Variants in BEND7 observed in about 807,000 individuals in gnomAD.
The protein encoded by BEND7 is BEN domain-containing protein 7.
A neutral mutation model predicts 50.9 loss-of-function variants in BEND7; 28 were observed. That is an observed-to-expected ratio of 0.55 (90% CI 0.41 to 0.75). The LOEUF (loss-of-function observed/expected upper bound fraction) is 0.75. Among genes scored for constraint, BEND7 ranks in the 30% least tolerant of loss-of-function variants. The probability of loss-of-function intolerance (pLI) is 0.00; values close to 1 mark genes in which losing one functional copy is unlikely to be tolerated. For synonymous variants in BEND7, 170 were observed against 183.9 expected (o/e 0.92, Z 0.61); for missense variants, 477 against 491.3 (o/e 0.97, Z 0.28).
intron 3 of BEND7, 91 bp downstream of exon 3, chr10:13,499,687 T>G: frequency 7.3e-7 from 1 of 1,366,530 alleles, no homozygotes; most frequent in Non-Finnish European, 9.6e-7. Context: ...ATGGGAGGGT[T>G]TAATAAATTG....
intron 6 of BEND7, among the ~76,000 whole-genome samples, chr10:13,454,279 C>T (rs1564517697): frequency 6.6e-6 from 1 of 152,098 alleles, no homozygotes; most frequent in Non-Finnish European, 1.5e-5. Flanking sequence ...GTTCCAGGAC[C>T]CCCAGCAGAC....
At chr10:13,456,065 A>G (rs2131147957) in intron 6 of BEND7, among the ~76,000 whole-genome samples, 1 of 152,278 alleles carries the variant, frequency 6.6e-6, no homozygotes, top group Non-Finnish European at 1.5e-5. Flanking sequence ...GAACAGGGAT[A>G]TAAGCCCGTG....
chr10:13,480,089 T>C (rs776800036), intron 6 of BEND7, among the ~76,000 whole-genome samples: 3 of 152,350 alleles, frequency 2.0e-5, no homozygotes, highest in East Asian at 1.9e-4. Flanking sequence ...TCATTTTTCA[T>C]GGAGTTGTGT....
chr10:13,490,474 G>A (rs1213383437), intron 5 of BEND7, among the ~76,000 whole-genome samples: 1 of 152,196 alleles, frequency 6.6e-6, no homozygotes, highest in African/African-American at 2.4e-5. Context: ...CAGTCCCCGT[G>A]TCCCTCCTGA....
intron 6 of BEND7, among the ~76,000 whole-genome samples, chr10:13,464,711 G>A (rs751526481): frequency 3.3e-5 from 5 of 152,132 alleles, no homozygotes; most frequent in Non-Finnish European, 5.9e-5. Flanking sequence ...TTATTTCAAC[G>A]TTTTAACCTA....
chr10:13,527,911 G>T, intron 1 of BEND7: 1 of 875,460 alleles, frequency 1.1e-6, no homozygotes, highest in Non-Finnish European at 1.4e-6. Context: ...TTTAAAGGAT[G>T]CTTATCTGAC....
chr10:13,475,764 A>G (rs2075383360), intron 6 of BEND7, among the ~76,000 whole-genome samples: 1 of 152,230 alleles, frequency 6.6e-6, no homozygotes, highest in Non-Finnish European at 1.5e-5. Context: ...TTCTTTTCAA[A>G]TACTCCTTTT....
chr10:13,459,844 C>G (rs1278056484), intron 6 of BEND7: 1 of 152,220 alleles, frequency 6.6e-6, no homozygotes, highest in Admixed American at 6.5e-5. Flanking sequence ...AATGGGGGAC[C>G]AACCAAACAG....
intron 5 of BEND7, among the ~76,000 whole-genome samples, chr10:13,490,016 G>A (rs2076534117): frequency 6.6e-6 from 1 of 152,174 alleles, no homozygotes; most frequent in South Asian, 2.1e-4. Context: ...TTGACATTTT[G>A]GTTGGTTCTG....
At chr10:13,449,686 T>C (rs1188513699) in intron 7 of BEND7, among the ~76,000 whole-genome samples, 1 of 152,232 alleles carries the variant, frequency 6.6e-6, no homozygotes, top group Non-Finnish European at 1.5e-5. Flanking sequence ...GTTTTGGGTA[T>C]AAACTGACCT....
chr10:13,461,329 C>A (rs796655758), intron 6 of BEND7, among the ~76,000 whole-genome samples: 1 of 152,152 alleles, frequency 6.6e-6, no homozygotes, highest in Admixed American at 6.5e-5. Flanking sequence ...AGAGCTGGAA[C>A]GAAAGCCTCT....
rs572955583 is a variant in BEND7 at position 13,481,231 on chromosome 10, T to C, written c.838-107A>G. 5.0e-5 allele frequency: 52 copies of C among 1,036,678 alleles called. No homozygotes were observed. The African/African-American group carries it at 6.2e-4, about 12-fold the overall frequency. 64.2% of individuals were successfully genotyped at this position (1,036,678 alleles called of 1,614,324 possible). A position where few individuals can be genotyped will look rare whatever the true frequency, so the allele number is the denominator to read the frequency against. On this transcript the variant is annotated intron_variant, in intron 5 of 8. Coordinates refer to ENST00000466271, the MANE Select transcript of BEND7 (RefSeq NM_001369863.1). The stretch of plus-strand genomic sequence containing the variant: ...ACTAGCTACTGAAATGTACATATCC[T>C]ACAAATGAAAACACTCTTGGCTTTC...
At chr10:13,448,913 T>G (rs189707996) in intron 7 of BEND7, among the ~76,000 whole-genome samples, 664 of 145,028 alleles carry the variant, frequency 4.6e-3, no homozygotes, top group African/African-American at 0.016. Context: ...AGGCGGAGCT[T>G]GGTGAGCCGA....
chr10:13,515,127 G>A (rs1186236495), intron 2 of BEND7, among the ~76,000 whole-genome samples: 1 of 152,058 alleles, frequency 6.6e-6, no homozygotes, highest in Non-Finnish European at 1.5e-5. Flanking sequence ...TAATCTTTTG[G>A]CTTCCATTTC....
chr10:13,490,747 C>A (rs1373737543), intron 5 of BEND7, among the ~76,000 whole-genome samples: 1 of 152,232 alleles, frequency 6.6e-6, no homozygotes, highest in Non-Finnish European at 1.5e-5. Flanking sequence ...CCAATGCCAG[C>A]CAGACAGCTG....
At chr10:13,452,463 A>G in intron 7 of BEND7, 76 bp downstream of exon 7, 1 of 1,418,388 alleles carries the variant, frequency 7.1e-7, no homozygotes, top group South Asian at 1.6e-5. Context: ...AATAACCTAG[A>G]GCCAAGTATT....
chr10:13,484,742 G>C (rs1023977035), intron 5 of BEND7, among the ~76,000 whole-genome samples: 1 of 152,198 alleles, frequency 6.6e-6, no homozygotes, highest in South Asian at 2.1e-4. Flanking sequence ...GTTGGGGCAG[G>C]ATTTAAGACA....
intron 2 of BEND7, among the ~76,000 whole-genome samples, chr10:13,509,572 G>A (rs982250415): frequency 3.3e-5 from 5 of 152,198 alleles, no homozygotes; most frequent in African/African-American, 1.2e-4. Context: ...TGTGACAAGT[G>A]TTTCAGGAAT....
Position 13,499,854 on chromosome 10 carries a change from A to T in BEND7, c.372T>A (p.Ser124Arg), listed in dbSNP as rs1461392846. The stretch of plus-strand genomic sequence containing the variant: ...TGCCATACTGCCCTGAGAACTGTCC[A>T]CTCTGGGGCGGTAGCTCATTCCACA... ...RGVWNELPPQ[S>R]GQFSGQYGTR... Residue 124 changes from serine to arginine, a missense_variant, in exon 3 of 9, where the codon AGT becomes AGA. Physicochemically the swap from Ser to Arg is moderately radical, Grantham distance 110. Around this residue, in one of 3 missense-constraint regions of BEND7, gnomAD observed 396 missense variants for 384.2 expected, o/e 1.03. Transcript: ENST00000466271. The T allele has an allele frequency of 1.5e-5, 24 of 1,613,896 alleles. No individual in the cohort carries two copies. Among genetic ancestry groups the T allele is most frequent in the Non-Finnish European group, 1.9e-5 (23 of 1,179,996 alleles).
Sources: allele counts gnomAD v4.1 joint callset (sites outside exome capture counted in the v4.1 genomes callset), GRCh38; gene constraint gnomAD v4.1.1; regional missense constraint gnomAD v4.1.1; transcripts MANE v1.5; gene names NCBI Gene and HGNC (gene_info 2026-07-23, HGNC 2026-07-21).